ARF4: variants seen among roughly 807,000 people sequenced by gnomAD.
ARF4 encodes the protein ARF GTPase 4, also known as ADP-ribosylation factor 4.
ARF4 carries 5 observed loss-of-function variants against 24.3 expected under a neutral mutation model. That is an observed-to-expected ratio of 0.21 (90% CI 0.11 to 0.43). The LOEUF is 0.43. Among genes scored for constraint, ARF4 ranks in the 20% least tolerant of loss-of-function variants. The probability of loss-of-function intolerance (pLI) is 1.00; values close to 1 mark genes in which losing one functional copy is unlikely to be tolerated. For missense variants in ARF4, 107 were observed against 213.0 expected, an observed-to-expected ratio of 0.50 and a Z score of 3.10; for synonymous variants, 62 against 73.5, an observed-to-expected ratio of 0.84 and a Z score of 0.80.
intron 1 of ARF4, among the ~76,000 whole-genome samples, chr3:57,593,609 T>C (rs932000494): frequency 1.3e-5 from 2 of 152,134 alleles, no homozygotes; most frequent in Non-Finnish European, 2.9e-5. Flanking sequence ...AACTGGAAAG[T>C]TCAAAGTAAA....
chr3:57,588,010 A>G (rs1347218049), intron 1 of ARF4, among the ~76,000 whole-genome samples: 2 of 152,220 alleles, frequency 1.3e-5, no homozygotes, highest in Non-Finnish European at 2.9e-5. Context: ...ATATTGGTCC[A>G]ACAATTTTGA....
chr3:57,578,892 G>C (rs879352081), intron 3 of ARF4, among the ~76,000 whole-genome samples: 13 of 113,602 alleles, frequency 1.1e-4, no homozygotes, highest in South Asian at 3.3e-4. Flanking sequence ...GCTAGAAAAG[G>C]GGGGGGGCAA....
chr3:57,584,265 T>C (rs952065475), intron 2 of ARF4, 119 bp downstream of exon 2: 1 of 1,049,798 alleles, frequency 9.5e-7, no homozygotes, highest in South Asian at 1.5e-5. Flanking sequence ...ACCCGGCCTG[T>C]TTTAAAAGTA....
chr3:57,577,423 A>G lies in ARF4; in HGVS notation c.259-36T>C, dbSNP rs1403657277. ...ATTGTTTCAGTAAATTTTAACAGTT[A>G]AACGACACTCTCTATATGAAACAGT... is the stretch of plus-strand genomic sequence containing the variant. On this transcript the variant is annotated intron_variant, in intron 3 of 5. Coordinates refer to ENST00000303436, the MANE Select transcript of ARF4 (RefSeq NM_001660.4). 5 of 1,529,970 alleles carry G rather than the reference A, an allele frequency of 3.3e-6. No individual in the cohort carries two copies. In the African/African-American group the frequency reaches 5.5e-5, roughly 17 times the overall value. The allele number at this position is 1,529,970 out of a possible 1,614,324, so 94.8% of individuals were successfully genotyped here.
Position 57,597,228 on chromosome 3 carries a change from A to C in ARF4, c.-88T>G, listed in dbSNP as rs1575791749. 3 of 1,274,528 alleles carry C rather than the reference A, an allele frequency of 2.4e-6. No homozygotes were observed. Among genetic ancestry groups the C allele is most frequent in the Non-Finnish European group, 3.4e-6 (3 of 891,108 alleles). The allele number at this position is 1,274,528 out of a possible 1,614,324, so 79.0% of individuals were successfully genotyped here. On this transcript the variant is annotated 5_prime_UTR_variant, in exon 1 of 6. Transcript: ENST00000303436. Reference sequence around the variant, plus strand: ...CCTTTCAAGCTCCCAGGCAAACTAAACGAGAGGGAAGAGAAAGAGCGGAGG... The same window carrying C: ...CCTTTCAAGCTCCCAGGCAAACTAACCGAGAGGGAAGAGAAAGAGCGGAGG...
chr3:57,583,750 A>G, intron 3 of ARF4, 148 bp downstream of exon 3: 1 of 647,268 alleles, frequency 1.5e-6, no homozygotes, highest in Non-Finnish European at 2.7e-6. Flanking sequence ...GGCCTAAGTG[A>G]GAGTCCACTG....
At chr3:57,589,248 A>C (rs1220568972) in intron 1 of ARF4, among the ~76,000 whole-genome samples, 1 of 152,138 alleles carries the variant, frequency 6.6e-6, no homozygotes, top group African/African-American at 2.4e-5. Context: ...AGCCTGGGCA[A>C]CAGAATTGAG....
chr3:57,593,684 G>A (rs2070141511), intron 1 of ARF4, among the ~76,000 whole-genome samples: 1 of 152,132 alleles, frequency 6.6e-6, no homozygotes, highest in South Asian at 2.1e-4. Flanking sequence ...CATAATTTAA[G>A]GATTCACTTA....
intron 1 of ARF4, among the ~76,000 whole-genome samples, chr3:57,595,950 T>A (rs1453979254): frequency 3.3e-5 from 5 of 149,696 alleles, no homozygotes; most frequent in Admixed American, 3.3e-4. Context: ...AAACTCCGTC[T>A]GCAAAAAAAA....
rs114077340 is a variant in ARF4, at chr3:57,574,303, G to C, written c.456+1245C>G. 4.1e-3 allele frequency among the ~76,000 whole-genome samples: 626 copies of C among 152,084 alleles called. 6 individuals are homozygous for C. The highest frequency in any genetic ancestry group is 0.015 in the African/African-American group (607 of 41,492). ...AGCCACAGTATTTCCCTTATTTACA[G>C]GTTAATGCAAAACTACTGTAAAAAG... On this transcript the variant is annotated intron_variant, in intron 5 of 5. Coordinates refer to ENST00000303436, the MANE Select transcript of ARF4 (RefSeq NM_001660.4).
At chr3:57,576,193 G>A (rs1009755908) in intron 4 of ARF4, among the ~76,000 whole-genome samples, 6 of 152,118 alleles carry the variant, frequency 3.9e-5, no homozygotes, top group Middle Eastern at 3.4e-3. Flanking sequence ...CAATATAGAC[G>A]AACCCTGAAA....
intron 1 of ARF4, among the ~76,000 whole-genome samples, chr3:57,595,893 G>A (rs960380576): frequency 6.6e-6 from 1 of 151,936 alleles, no homozygotes; most frequent in African/African-American, 2.4e-5. Context: ...GGAGGTTGCA[G>A]TGAGCCGAGA....
chr3:57,571,910 CA>C lies in ARF4; in HGVS notation c.*301del. 2 of 254,500 alleles carry C rather than the reference CA, an allele frequency of 7.9e-6. No individual in the cohort carries two copies. Among genetic ancestry groups the C allele is most frequent in the Non-Finnish European group, 1.5e-5 (2 of 133,264 alleles). 15.8% of individuals were successfully genotyped at this position (254,500 alleles called of 1,614,324 possible). On this transcript the variant is annotated 3_prime_UTR_variant, in exon 6 of 6. Transcript: ENST00000303436. ...TTTAAAACATTATTTGTCTGGGGCT[CA>C]AAAAACACTCAAAACAATTTATTTA...
At chr3:57,572,468 C>T (rs984395824) in intron 5 of ARF4, among the ~76,000 whole-genome samples, 170 bp from the exon 6 acceptor site, 27 of 152,178 alleles carry the variant, frequency 1.8e-4, no homozygotes, top group African/African-American at 5.3e-4. Flanking sequence ...ACCTATAAAT[C>T]CCAGCACTTT....
intron 1 of ARF4, among the ~76,000 whole-genome samples, chr3:57,588,924 G>T (rs987315555): frequency 2.6e-5 from 4 of 152,158 alleles, no homozygotes; most frequent in Non-Finnish European, 5.9e-5. Context: ...CCAACATGGA[G>T]AAAGCCCGTC....
At chr3:57,579,485 A>G (rs2069945755) in intron 3 of ARF4, among the ~76,000 whole-genome samples, 1 of 151,798 alleles carries the variant, frequency 6.6e-6, no homozygotes, top group South Asian at 2.1e-4. Flanking sequence ...ATGAGATTTT[A>G]CTATGTTGGC....
At chr3:57,577,251 A>G in intron 4 of ARF4, 65 bp downstream of exon 4, 1 of 1,340,660 alleles carries the variant, frequency 7.5e-7, no homozygotes, top group Non-Finnish European at 1.1e-6. Flanking sequence ...AATGTACTAA[A>G]CCACCACCAG....
intron 3 of ARF4, among the ~76,000 whole-genome samples, chr3:57,580,513 C>T (rs555562154): frequency 6.6e-6 from 1 of 152,194 alleles, no homozygotes; most frequent in Non-Finnish European, 1.5e-5. Context: ...GTGATCCTCC[C>T]ACCTCAGCCT....
intron 1 of ARF4, among the ~76,000 whole-genome samples, chr3:57,588,996 G>A (rs1289035053): frequency 6.6e-6 from 1 of 152,158 alleles, no homozygotes; most frequent in African/African-American, 2.4e-5. Context: ...CAGCTACTCG[G>A]GAGGCTGAGG....
Sources: allele counts gnomAD v4.1 joint callset (sites outside exome capture counted in the v4.1 genomes callset), GRCh38; gene constraint gnomAD v4.1.1; transcripts MANE v1.5; gene names NCBI Gene and HGNC (gene_info 2026-07-23, HGNC 2026-07-21).